OTOA: variants seen among roughly 807,000 people sequenced by gnomAD.
The protein encoded by OTOA is cancer/testis antigen 108.
In OTOA, 70 loss-of-function variants were observed where a neutral mutation model predicts 110.8. The observed-to-expected ratio is 0.63, with a 90% confidence interval of 0.52 to 0.77. OTOA has a LOEUF of 0.77. Ranked by LOEUF, OTOA falls within the 30% of genes least tolerant of loss-of-function variation. The pLI is 0.00. For synonymous variants in OTOA, 373 were observed against 431.5 expected (o/e 0.86, Z 1.68); for missense variants, 917 against 1,075.8 (o/e 0.85, Z 2.06).
At chr16:21,691,036 A>G (rs1897819913) in intron 8 of OTOA, among the ~76,000 whole-genome samples, 1 of 138,450 alleles carries the variant, frequency 7.2e-6, no homozygotes, top group Non-Finnish European at 1.5e-5. Flanking sequence ...TCATTGTTCA[A>G]TTCCCACCTA....
In OTOA at chr16:21,743,797, CT is replaced by C. The variant is rs1274125790; in HGVS notation, c.2620-1076del. 3.5e-4 allele frequency among the ~76,000 whole-genome samples: 41 copies of C among 115,690 alleles called. 2 individuals are homozygous for C. The highest frequency in any genetic ancestry group is 2.8e-3 in the East Asian group (10 of 3,538). The allele number at this position is 115,690 out of a possible 152,430, so 75.9% of individuals were successfully genotyped here. On this transcript the variant is annotated intron_variant, in intron 23 of 28. Transcript: ENST00000646100. The stretch of plus-strand genomic sequence containing the variant: ...TTCCTTGTTGATGTCTTTTGTCTAT[CT>C]TTTTTTTAAAACAAATATAGTCATG...
Position 21,701,047 on chromosome 16 carries a change from GC to G in OTOA, c.980+22del. ...CCACAGGCAAGCGCATGAGCTCTGG[GC>G]CTTGGAGCCCTTTCCCAAGATGTGA... is the stretch of plus-strand genomic sequence containing the variant. On this transcript the variant is annotated intron_variant, in intron 11 of 28. Transcript: ENST00000646100. The G allele has an allele frequency of 6.2e-7, 1 of 1,614,050 alleles. No individual in the cohort carries two copies. The highest frequency in any genetic ancestry group is 1.1e-5 in the South Asian group (1 of 91,080).
intron 14 of OTOA, 49 bp from the exon 15 acceptor site, chr16:21,716,858 C>G (rs1229655907): frequency 1.9e-6 from 3 of 1,610,662 alleles, no homozygotes; most frequent in Non-Finnish European, 2.5e-6. Context: ...TTCCTCAAAG[C>G]TCAATGCATT....
At position 21,728,345 on chromosome 16, in the gene OTOA, G is replaced by A. The variant is rs147172217; in HGVS notation, c.2121G>A (p.Ala707=). ...IDRGISPRAW[A]TALHGLRDCP... The stretch of plus-strand genomic sequence containing the variant: ...GGGGGATCTCCCCCAGGGCTTGGGC[G>A]ACTGCTCTACACGGCCTCAGAGACT... The change falls in exon 20 of 29, where the codon GCG becomes GCA. Residue 707 remains alanine, a synonymous_variant. Transcript: ENST00000646100. The A allele has an allele frequency of 3.4e-5, 55 of 1,613,894 alleles. No homozygotes were observed. The highest frequency in any genetic ancestry group is 1.6e-4 in the Middle Eastern group (1 of 6,082).
chr16:21,701,787 T>G (rs1898058495), intron 11 of OTOA, among the ~76,000 whole-genome samples: 1 of 150,336 alleles, frequency 6.7e-6, no homozygotes, highest in Non-Finnish European at 1.5e-5. Flanking sequence ...CCCAGCTAAA[T>G]TTTTTGTATT....
At chr16:21,684,642 A>G in intron 6 of OTOA, 1 of 1,074,604 alleles carries the variant, frequency 9.3e-7, no homozygotes, top group Non-Finnish European at 1.4e-6. Context: ...TATTGCCTAA[A>G]AGGGGATGTG....
chr16:21,716,865 C>A (rs1898569847), intron 14 of OTOA, 42 bp from the exon 15 acceptor site: 1 of 1,612,126 alleles, frequency 6.2e-7, no homozygotes, highest in Non-Finnish European at 8.5e-7. Flanking sequence ...AAGCTCAATG[C>A]ATTTTTTACA....
At position 21,716,909 on chromosome 16, in the gene OTOA, G is replaced by A. The variant is rs376477475; in HGVS notation, c.1491G>A (p.Met497Ile). 27 of 1,613,792 alleles carry A rather than the reference G, an allele frequency of 1.7e-5. No individual in the cohort carries two copies. The highest frequency in any genetic ancestry group is 2.1e-5 in the Non-Finnish European group (25 of 1,179,986). The change falls in exon 15 of 29, where the codon ATG (methionine) becomes ATA (isoleucine). Residue 497 changes from methionine to isoleucine, a missense_variant and splice_region_variant. By Grantham distance (10) the Met-to-Ile change is conservative. Coordinates refer to ENST00000646100, the MANE Select transcript of OTOA (RefSeq NM_144672.4). ...TTGTTGCTTCTCGCTTCTGGCAGAT[G>A]GTCCAAGCGGAAGACACTGCCCCAG... is the stretch of plus-strand genomic sequence containing the variant. ...PAQQQGILSK[M>I]VQAEDTAPGI...
intron 1 of OTOA, among the ~76,000 whole-genome samples, chr16:21,674,297 G>A (rs1267024289): frequency 6.6e-6 from 1 of 152,030 alleles, no homozygotes. Context: ...TCTAGTTAAT[G>A]GCATTATGGT....
intron 1 of OTOA, among the ~76,000 whole-genome samples, chr16:21,675,478 G>C (rs1966856081): frequency 6.6e-6 from 1 of 151,362 alleles, no homozygotes. Context: ...AGATATTTTT[G>C]TGCCACCCCC....
At chr16:21,756,848 G>T (rs1900000858) in intron 27 of OTOA, among the ~76,000 whole-genome samples, 1 of 147,792 alleles carries the variant, frequency 6.8e-6, no homozygotes, top group South Asian at 2.2e-4. Context: ...CTTGCTTATG[G>T]CAAGTCTGCC....
At chr16:21,721,498 C>T (rs1377817003) in intron 17 of OTOA, 1 of 455,980 alleles carries the variant, frequency 2.2e-6, no homozygotes, top group South Asian at 1.5e-5. Flanking sequence ...CACAGAGGTA[C>T]CTGGTCGAAA....
chr16:21,716,806 G>A (rs1477829251), intron 14 of OTOA, 101 bp from the exon 15 acceptor site: 15 of 1,380,018 alleles, frequency 1.1e-5, no homozygotes, highest in African/African-American at 4.9e-5. Flanking sequence ...GTTGCTGAGC[G>A]GGTCTGATGG....
At chr16:21,732,151 A>G (rs1442093936) in intron 21 of OTOA, among the ~76,000 whole-genome samples, 3 of 151,838 alleles carry the variant, frequency 2.0e-5, no homozygotes, top group African/African-American at 4.8e-5. Flanking sequence ...TTTTTAGTAG[A>G]TATGGGGCTT....
chr16:21,708,767 T>C (rs868369598), intron 12 of OTOA, among the ~76,000 whole-genome samples: 9 of 152,202 alleles, frequency 5.9e-5, no homozygotes, highest in African/African-American at 1.9e-4. Flanking sequence ...AATGACTACG[T>C]TATTACGTAA....
In OTOA at chr16:21,728,431, G is replaced by A. The variant is rs140364490; in HGVS notation, c.2207G>A (p.Gly736Glu). Residue 736 changes from glycine to glutamate, a missense_variant and splice_region_variant, in exon 20 of 29, where the codon GGA becomes GAA. Physicochemically the swap from Gly to Glu is moderately conservative, Grantham distance 98. Around this residue, in one of 6 missense-constraint regions of OTOA, gnomAD observed 840 missense variants for 910.2 expected, o/e 0.92. Coordinates refer to ENST00000646100, the MANE Select transcript of OTOA (RefSeq NM_144672.4). ...AVRLKLLGQY[G>E]LPQHWTAETT... is the part of the protein sequence containing the mutation. The stretch of plus-strand genomic sequence containing the variant: ...AGGCTCAAGCTCCTGGGACAGTATG[G>A]GTGAGGAGCGGCTGGGTTTGGCTTT... The A allele has an allele frequency of 4.5e-5, 73 of 1,613,504 alleles. No homozygotes were observed. The highest frequency in any genetic ancestry group is 6.1e-5 in the Non-Finnish European group (72 of 1,179,840).
intron 9 of OTOA, among the ~76,000 whole-genome samples, chr16:21,692,876 T>G (rs1897858564): frequency 7.4e-6 from 1 of 135,752 alleles, no homozygotes; most frequent in Non-Finnish European, 1.5e-5. Context: ...TACAGTGAAC[T>G]GAGATCATGC....
intron 28 of OTOA, among the ~76,000 whole-genome samples, chr16:21,759,311 C>T (rs1324110583): frequency 6.6e-6 from 1 of 152,030 alleles, no homozygotes; most frequent in Non-Finnish European, 1.5e-5. Flanking sequence ...TTCACAAAAG[C>T]TTATTATACA....
chr16:21,719,349 CT>C, intron 16 of OTOA, 37 bp from the exon 17 acceptor site: 1 of 1,597,928 alleles, frequency 6.3e-7, no homozygotes, highest in Non-Finnish European at 8.6e-7. Context: ...CTCCTCCTCA[CT>C]TCCTTCCTCT....
Sources: gnomAD v4.1 joint callset for allele counts (sites outside exome capture counted in the v4.1 genomes callset) on GRCh38, gnomAD v4.1.1 for gene constraint, gnomAD v4.1.1 regional missense constraint, MANE v1.5 for transcripts, NCBI Gene and HGNC (gene_info 2026-07-23, HGNC 2026-07-21) for gene names.